Variants in SLC13A2 observed in about 807,000 individuals in gnomAD.
SLC13A2 encodes solute carrier family 13 member 2.
A neutral mutation model predicts 58.5 loss-of-function variants in SLC13A2; 40 were observed. The observed-to-expected ratio is 0.68, with a 90% confidence interval of 0.53 to 0.89. The LOEUF (loss-of-function observed/expected upper bound fraction) is 0.89, where lower values mean the gene tolerates loss of function less well. SLC13A2 is among the 40% of genes least tolerant of loss of function. The pLI is 0.00. For synonymous variants in SLC13A2, 341 were observed against 331.6 expected (o/e 1.03, Z -0.31); for missense variants, 694 against 772.6 (o/e 0.90, Z 1.21).
intron 1 of SLC13A2, among the ~76,000 whole-genome samples, chr17:28,477,115 A>G (rs1163368169): frequency 4.3e-4 from 65 of 150,986 alleles, no homozygotes; most frequent in Non-Finnish European, 3.1e-4. Context: ...AGCTGAGATC[A>G]CGCCATTGCA....
At chr17:28,479,847 T>A (rs1555600720) in intron 1 of SLC13A2, among the ~76,000 whole-genome samples, 3 of 152,090 alleles carry the variant, frequency 2.0e-5, no homozygotes, top group African/African-American at 4.8e-5. Flanking sequence ...TAGAGAGACT[T>A]GTCTCCACTA....
chr17:28,493,701 G>C lies in SLC13A2; in HGVS notation c.1009G>C (p.Val337Leu), dbSNP rs201227878. Residue 337 changes from valine to leucine, a missense_variant, in exon 7 of 12, where the codon GTC becomes CTC. Physicochemically the swap from Val to Leu is conservative, Grantham distance 32. Coordinates refer to ENST00000314669, the MANE Select transcript of SLC13A2 (RefSeq NM_003984.4). ...AGAAAAGGCCATCAGCATCCTATTCGTCATCCTGGTGCTGCTCTGGTTCAC... is the reference window on the plus strand; with the variant it reads ...AGAAAAGGCCATCAGCATCCTATTCCTCATCCTGGTGCTGCTCTGGTTCAC... ...FAEKAISILF[V>L]ILVLLWFTRE... 1.9e-6 allele frequency: 3 copies of C among 1,614,104 alleles called. No individual in the cohort carries two copies. The Admixed American group carries it at 5.0e-5, about 27-fold the overall frequency.
At chr17:28,488,635 G>A (rs1310153499) in intron 1 of SLC13A2, among the ~76,000 whole-genome samples, 2 of 152,194 alleles carry the variant, frequency 1.3e-5, no homozygotes, top group East Asian at 3.8e-4. Flanking sequence ...AGCATCTTGG[G>A]GGAAACTTCA....
rs781787520 is a variant in SLC13A2, at chr17:28,491,651, C to CT, written c.755+35dup. ...CAAGGGGTGGGCCACCTTGGGGGATCTGCACATTCACTGGGAGGTGAATGG... is the reference window on the plus strand; with the variant it reads ...CAAGGGGTGGGCCACCTTGGGGGATCTTGCACATTCACTGGGAGGTGAATGG... On this transcript the variant is annotated intron_variant, in intron 5 of 11. Transcript: ENST00000314669. 8.1e-6 allele frequency: 13 copies of CT among 1,609,204 alleles called. No individual in the cohort carries two copies. In the East Asian group the frequency reaches 2.7e-4, roughly 33 times the overall value.
Position 28,493,809 on chromosome 17 carries a change from G to A in SLC13A2, c.1097+20G>A. 6.2e-7 allele frequency: 1 copy of A among 1,613,304 alleles called. No individual in the cohort carries two copies. Among genetic ancestry groups the A allele is most frequent in the Non-Finnish European group, 8.5e-7 (1 of 1,179,392 alleles). On this transcript the variant is annotated intron_variant, in intron 7 of 11. Transcript: ENST00000314669. ...GGAGAGGTGAGAGTTGCAGGGGTTG[G>A]GAGGAGGACACATCTGGGGCTCACA...
intron 1 of SLC13A2, among the ~76,000 whole-genome samples, chr17:28,485,314 G>A (rs1038425452): frequency 6.6e-6 from 1 of 152,214 alleles, no homozygotes; most frequent in Non-Finnish European, 1.5e-5. Flanking sequence ...GTCCTGGGGA[G>A]CAGCCAGTGG....
chr17:28,480,128 T>G (rs1165322203), intron 1 of SLC13A2, among the ~76,000 whole-genome samples: 1 of 145,052 alleles, frequency 6.9e-6, no homozygotes, highest in Non-Finnish European at 1.5e-5. Context: ...CACTCCAGCC[T>G]GGGCAGCAGA....
At position 28,495,699 on chromosome 17, in the gene SLC13A2, G is replaced by A. The variant is rs782430904; in HGVS notation, c.1353G>A (p.Leu451=). Residue 451 remains leucine (L), a synonymous_variant, in exon 10 of 12, where the codon CTG becomes CTA. Transcript: ENST00000314669. The part of the protein sequence containing the change: ...SEWLGNKLTP[L]QSVPAPAIAI... ...GGCTGGGAAACAAGCTGACCCCACT[G>A]CAGAGTGTGCCAGCTCCAGCCATTG... 6.2e-7 allele frequency: 1 copy of A among 1,612,192 alleles called. No individual in the cohort carries two copies. Among genetic ancestry groups the A allele is most frequent in the African/African-American group, 1.3e-5 (1 of 75,042 alleles).
chr17:28,474,338 G>A (rs2068635896), intron 1 of SLC13A2, among the ~76,000 whole-genome samples: 1 of 152,118 alleles, frequency 6.6e-6, no homozygotes, highest in African/African-American at 2.4e-5. Context: ...GGAGGGGTGG[G>A]AGTTGGAAGA....
Position 28,490,516 on chromosome 17 carries a change from C to T in SLC13A2, c.294C>T (p.Ile98=), listed in dbSNP as rs782192263. The stretch of plus-strand genomic sequence containing the variant: ...TCTTCGGGGGGCTGCTGGTGGCCAT[C>T]GCGGTGGAACACTGGAACCTGCATA... ...LLFFGGLLVA[I]AVEHWNLHKR... The change falls in exon 3 of 12, where the codon ATC becomes ATT. Residue 98 remains isoleucine, a synonymous_variant. Coordinates refer to ENST00000314669, the MANE Select transcript of SLC13A2 (RefSeq NM_003984.4). 4.3e-6 allele frequency: 7 copies of T among 1,614,034 alleles called. No homozygotes were observed. In the African/African-American group the frequency reaches 5.3e-5, roughly 12 times the overall value.
rs183218612 is a variant in SLC13A2, at chr17:28,475,481, A to C, written c.102+1667A>C. 1.6e-4 allele frequency among the ~76,000 whole-genome samples: 24 copies of C among 152,274 alleles called. 1 individual carries two copies. Among genetic ancestry groups the C allele is most frequent in the Admixed American group, 1.6e-3 (24 of 15,296 alleles). ...CATCCACATACGGAGGTGCTGTAAT[A>C]TCTCTCATCTTAAACAAACAAGAGC... On this transcript the variant is annotated intron_variant, in intron 1 of 11. Coordinates refer to ENST00000314669, the MANE Select transcript of SLC13A2 (RefSeq NM_003984.4).
chr17:28,488,549 A>T (rs1367955924), intron 1 of SLC13A2, among the ~76,000 whole-genome samples: 1 of 152,210 alleles, frequency 6.6e-6, no homozygotes, highest in Non-Finnish European at 1.5e-5. Context: ...TGGGGGCTTC[A>T]TGCAGGAAAG....
chr17:28,478,333 G>A (rs2068727999), intron 1 of SLC13A2, among the ~76,000 whole-genome samples: 1 of 152,202 alleles, frequency 6.6e-6, no homozygotes, highest in Non-Finnish European at 1.5e-5. Context: ...CAGCATATCT[G>A]TTGAGCTCTT....
rs1162659966 is a variant in SLC13A2 at position 28,489,725 on chromosome 17, C to G, written c.231+383C>G. On this transcript the variant is annotated intron_variant, in intron 2 of 11. Coordinates refer to ENST00000314669, the MANE Select transcript of SLC13A2 (RefSeq NM_003984.4). Reference sequence around the variant, plus strand: ...ACACAAATGGCTGGGTCCAGAGTTTCTGATTCGGTAGATCTGGGGTAGGGC... The same window carrying G: ...ACACAAATGGCTGGGTCCAGAGTTTGTGATTCGGTAGATCTGGGGTAGGGC... Among the ~76,000 whole-genome samples, 3 of 152,204 alleles carry G rather than the reference C, an allele frequency of 2.0e-5. No individual in the cohort carries two copies. The East Asian group carries it at 5.8e-4, about 29-fold the overall frequency.
intron 10 of SLC13A2, 79 bp downstream of exon 10, chr17:28,495,895 T>C: frequency 6.8e-7 from 1 of 1,476,310 alleles, no homozygotes; most frequent in Non-Finnish European, 9.2e-7. Flanking sequence ...CTGGGCAGAG[T>C]ATCCTGTCTT....
In SLC13A2 at chr17:28,490,591, G is replaced by T. The variant is rs1238515903; in HGVS notation, c.368+1G>T. 1.3e-6 allele frequency: 2 copies of T among 1,594,816 alleles called. No homozygotes were observed. Among genetic ancestry groups the T allele is most frequent in the African/African-American group, 1.3e-5 (1 of 74,640 alleles). The stretch of plus-strand genomic sequence containing the variant: ...TCATCGTTGGGGTGCGGCCTGCCCC[G>T]TGAGTTCCTCCTGCAAACCAGCACG... On this transcript the variant is annotated splice_donor_variant, in intron 3 of 11. Transcript: ENST00000314669. LOFTEE classifies it high-confidence loss of function.
intron 1 of SLC13A2, among the ~76,000 whole-genome samples, chr17:28,484,954 G>A (rs1264721663): frequency 6.6e-6 from 1 of 152,132 alleles, no homozygotes; most frequent in Non-Finnish European, 1.5e-5. Flanking sequence ...GGGTGGGGGT[G>A]ACACCAGTGG....
chr17:28,484,601 G>A (rs1051859563), intron 1 of SLC13A2, among the ~76,000 whole-genome samples: 3 of 152,088 alleles, frequency 2.0e-5, no homozygotes, highest in Non-Finnish European at 4.4e-5. Context: ...GGGGAGGGGA[G>A]GTGCAAATTA....
intron 1 of SLC13A2, among the ~76,000 whole-genome samples, chr17:28,483,577 C>A (rs1555601487): frequency 1.3e-5 from 2 of 152,200 alleles, no homozygotes; most frequent in Non-Finnish European, 2.9e-5. Context: ...ATCGAGGCTG[C>A]AGTGAGCTGT....
Sources: gnomAD v4.1 joint callset for allele counts (sites outside exome capture counted in the v4.1 genomes callset) on GRCh38, gnomAD v4.1.1 for gene constraint, MANE v1.5 for transcripts, NCBI Gene and HGNC (gene_info 2026-07-23, HGNC 2026-07-21) for gene names.